Variants in CTNNA3 observed in about 807,000 individuals in gnomAD.
CTNNA3 encodes the protein catenin alpha-3.
A neutral mutation model predicts 95.7 loss-of-function variants in CTNNA3; 76 were observed. The ratio of observed to expected loss-of-function variants is 0.79; its 90% CI spans 0.66 to 0.96. The LOEUF is 0.96. Ranked by LOEUF, CTNNA3 falls within the 40% of genes least tolerant of loss-of-function variation. The pLI is 0.00. For synonymous variants in CTNNA3, 431 were observed against 374.4 expected (o/e 1.15, Z -1.74); for missense variants, 1,191 against 1,089.8 (o/e 1.09, Z -1.31).
At chr10:66,778,634 G>A (rs1840407592) in intron 7 of CTNNA3, among the ~76,000 whole-genome samples, 2 of 152,044 alleles carry the variant, frequency 1.3e-5, no homozygotes, top group African/African-American at 4.8e-5. Context: ...AGGGAAAGCA[G>A]TCACATTCTT....
At chr10:66,325,210 A>C (rs938299033) in intron 12 of CTNNA3, among the ~76,000 whole-genome samples, 1 of 152,096 alleles carries the variant, frequency 6.6e-6, no homozygotes. Context: ...CCTCAGCTAC[A>C]TGCTTATCAG....
At chr10:67,276,973 G>A (rs1839201702) in intron 5 of CTNNA3, among the ~76,000 whole-genome samples, 1 of 151,824 alleles carries the variant, frequency 6.6e-6, no homozygotes, top group Non-Finnish European at 1.5e-5. Context: ...AAATGTTAAG[G>A]CTGGCCCAAA....
intron 7 of CTNNA3, among the ~76,000 whole-genome samples, chr10:66,806,525 T>G (rs1206276516): frequency 6.6e-6 from 1 of 152,002 alleles, no homozygotes; most frequent in Non-Finnish European, 1.5e-5. Flanking sequence ...TGTTTTGGCT[T>G]ACTTACCAAA....
intron 16 of CTNNA3, among the ~76,000 whole-genome samples, chr10:65,980,946 C>A (rs796893179): frequency 1.1e-4 from 17 of 152,150 alleles, no homozygotes; most frequent in African/African-American, 3.9e-4. Context: ...ACAAGGATGA[C>A]CACTTTCACC....
chr10:67,010,464 C>A (rs1317062266), intron 7 of CTNNA3, among the ~76,000 whole-genome samples: 1 of 152,172 alleles, frequency 6.6e-6, no homozygotes, highest in Non-Finnish European at 1.5e-5. Flanking sequence ...TAATATCTCT[C>A]CAATTATTTT....
At chr10:66,120,371 T>C (rs773472516) in intron 13 of CTNNA3, among the ~76,000 whole-genome samples, 1 of 152,206 alleles carries the variant, frequency 6.6e-6, no homozygotes, top group African/African-American at 2.4e-5. Context: ...TTCTGACTTA[T>C]GTCAATAAAT....
At chr10:66,608,588 A>C (rs1292431054) in intron 10 of CTNNA3, among the ~76,000 whole-genome samples, 2 of 151,748 alleles carry the variant, frequency 1.3e-5, no homozygotes, top group Non-Finnish European at 3.0e-5. Context: ...CCAAAATAAA[A>C]ACAGAGACCA....
chr10:66,444,175 G>A (rs534032710), intron 11 of CTNNA3, among the ~76,000 whole-genome samples: 1 of 152,314 alleles, frequency 6.6e-6, no homozygotes, highest in East Asian at 1.9e-4. Context: ...GGGACTATGT[G>A]AAAAGACCAA....
In CTNNA3 at chr10:66,652,138, GAAGA is replaced by G. The variant is rs1322048658; in HGVS notation, c.1282-30358_1282-30355del. On this transcript the variant is annotated intron_variant, in intron 9 of 17. Coordinates refer to ENST00000433211, the MANE Select transcript of CTNNA3 (RefSeq NM_013266.4). Reference sequence around the variant, plus strand: ...AAAAAAACTAAGCCCAAAGTTAGCAGAAGAAAGGAAATAATAAAAATCAGAGCAG... The same window carrying G: ...AAAAAAACTAAGCCCAAAGTTAGCAGAAGGAAATAATAAAAATCAGAGCAG... Among the ~76,000 whole-genome samples the G allele has an allele frequency of 5.8e-4, 80 of 137,766 alleles. 1 individual carries two copies. Among genetic ancestry groups the G allele is most frequent in the African/African-American group, 1.9e-3 (75 of 38,776 alleles). The allele number at this position is 137,766 out of a possible 152,430, so 90.4% of individuals were successfully genotyped here.
intron 12 of CTNNA3, among the ~76,000 whole-genome samples, chr10:66,307,920 C>T (rs893284355): frequency 6.6e-6 from 1 of 152,166 alleles, no homozygotes. Context: ...AGCCACTCTG[C>T]TGGTTTAAAT....
intron 14 of CTNNA3, among the ~76,000 whole-genome samples, chr10:66,072,765 G>A (rs1432415843): frequency 4.0e-5 from 6 of 151,858 alleles, no homozygotes; most frequent in Non-Finnish European, 7.4e-5. Context: ...TGCCAAACGC[G>A]CATCTCCCAA....
chr10:66,585,002 T>C (rs1843312425), intron 10 of CTNNA3, among the ~76,000 whole-genome samples: 1 of 152,090 alleles, frequency 6.6e-6, no homozygotes, highest in Admixed American at 6.6e-5. Context: ...AGACTAAAGA[T>C]AGGACCCCAA....
intron 13 of CTNNA3, among the ~76,000 whole-genome samples, chr10:66,214,165 C>G (rs1389737904): frequency 6.6e-6 from 1 of 152,176 alleles, no homozygotes; most frequent in Non-Finnish European, 1.5e-5. Context: ...ACCATTCTAC[C>G]TCTTTGGCTG....
At chr10:67,626,625 CCT>C (rs752630343) in intron 2 of CTNNA3, among the ~76,000 whole-genome samples, 55 of 152,112 alleles carry the variant, frequency 3.6e-4, no homozygotes, top group Non-Finnish European at 6.2e-4. Flanking sequence ...CCACTGACTC[CCT>C]GTTTTGGGGT....
chr10:66,814,101 T>G (rs1470512636), intron 7 of CTNNA3, among the ~76,000 whole-genome samples: 1 of 151,340 alleles, frequency 6.6e-6, no homozygotes, highest in Admixed American at 6.6e-5. Flanking sequence ...AGAGACTGAG[T>G]GGATGATGGT....
At position 67,281,847 on chromosome 10, in the gene CTNNA3, G is replaced by GT. The variant is rs1379683200; in HGVS notation, c.580-61978dup. On this transcript the variant is annotated intron_variant, in intron 5 of 17. Transcript: ENST00000433211. ...TTACTTTTTAGAGGACATTTTCAAT[G>GT]TAACAAGAATGATAATGATTTCTAA... 2.0e-5 allele frequency among the ~76,000 whole-genome samples: 3 copies of GT among 152,084 alleles called. No homozygotes were observed. In the East Asian group the frequency reaches 5.8e-4, roughly 29 times the overall value.
chr10:67,573,521 T>C (rs1842042851), intron 3 of CTNNA3, among the ~76,000 whole-genome samples: 1 of 152,112 alleles, frequency 6.6e-6, no homozygotes, highest in Admixed American at 6.6e-5. Flanking sequence ...ATTGAACACA[T>C]ATTCCCGGGA....
intron 5 of CTNNA3, among the ~76,000 whole-genome samples, chr10:67,502,140 G>A (rs1167769035): frequency 1.3e-5 from 2 of 152,014 alleles, no homozygotes; most frequent in African/African-American, 2.4e-5. Flanking sequence ...GGTGACCTTC[G>A]GATGGGGTTT....
intron 5 of CTNNA3, 132 bp downstream of exon 5, chr10:67,521,710 C>T (rs749187468): frequency 2.6e-6 from 3 of 1,145,002 alleles, no homozygotes; most frequent in Non-Finnish European, 3.7e-6. Flanking sequence ...AGCAGATCAG[C>T]ACAGCACAAC....
Sources: gnomAD v4.1 joint callset for allele counts (sites outside exome capture counted in the v4.1 genomes callset) on GRCh38, gnomAD v4.1.1 for gene constraint, MANE v1.5 for transcripts, NCBI Gene and HGNC (gene_info 2026-07-23, HGNC 2026-07-21) for gene names.